TTN: variants seen among roughly 807,000 people sequenced by gnomAD.
The protein encoded by TTN is titin, also known as connectin.
In TTN, 1,525 loss-of-function variants were observed where a neutral mutation model predicts 3,223.0. The observed-to-expected ratio is 0.47, with a 90% confidence interval of 0.45 to 0.49. The LOEUF is 0.49. Ranked by LOEUF, TTN falls within the 20% of genes least tolerant of loss-of-function variation. The pLI is 0.00. For missense variants in TTN, 40,786 were observed against 43,424.0 expected (o/e 0.94, Z 5.40); for synonymous variants, 14,094 against 15,161.0 (o/e 0.93, Z 5.17).
chr2:178,725,653 A>G lies in TTN; in HGVS notation c.20555-4T>C, dbSNP rs781011511. 1.1e-5 allele frequency: 18 copies of G among 1,570,526 alleles called. No homozygotes were observed. Among genetic ancestry groups the G allele is most frequent in the Non-Finnish European group, 1.6e-5 (18 of 1,157,604 alleles). ...TTGGAGACAAATCTTGGTGGTTCTG[A>G]ACAGGAAAAGATGGATGGAAATTGT... On this transcript the variant is annotated splice_polypyrimidine_tract_variant and splice_region_variant and intron_variant, in intron 70 of 362. Transcript: ENST00000589042.
Position 178,722,354 on chromosome 2 carries a change from A to T in TTN, c.22433T>A (p.Ile7478Asn). The T allele has an allele frequency of 6.2e-7, 1 of 1,613,228 alleles. No individual in the cohort carries two copies. Among genetic ancestry groups the T allele is most frequent in the Non-Finnish European group, 8.5e-7 (1 of 1,179,512 alleles). Reference protein sequence around the residue: ...SFVDNVATLKILQTDLSHSGQ... With the variant: ...SFVDNVATLKNLQTDLSHSGQ... ...AGAGTGACTCAAGTCAGTTTGCAAA[A>T]TTTTTAAAGTTGCCACATTATCTAC... The change falls in exon 77 of 363, where the codon ATT (isoleucine) becomes AAT (asparagine). Residue 7478 changes from isoleucine to asparagine, a missense_variant. By Grantham distance (149) the Ile-to-Asn change is moderately radical. Coordinates refer to ENST00000589042, the MANE Select transcript of TTN (RefSeq NM_001267550.2).
chr2:178,618,104 A>C, intron 252 of TTN, 23 bp from the exon 253 acceptor site: 1 of 1,611,078 alleles, frequency 6.2e-7, no homozygotes, highest in Non-Finnish European at 8.5e-7. Flanking sequence ...ACAGAAGAAG[A>C]AAATATGAGT....
At position 178,531,340 on chromosome 2, in the gene TTN, C is replaced by G; in HGVS notation, c.105275G>C (p.Ser35092Thr). ...VKSQMTETRESLSSYEHSASA... is the reference protein window; with the variant it reads ...VKSQMTETRETLSSYEHSASA... ...TGCAGAGTGTTCATATGAGGAGAGA[C>G]TTTCCCTTGTCTCCGTCATCTGTGA... is the stretch of plus-strand genomic sequence containing the variant. The change falls in exon 358 of 363, where the codon AGT becomes ACT. Residue 35092 changes from serine to threonine, a missense_variant. Coordinates refer to ENST00000589042, the MANE Select transcript of TTN (RefSeq NM_001267550.2). 2.5e-6 allele frequency: 4 copies of G among 1,614,046 alleles called. No individual in the cohort carries two copies. Among genetic ancestry groups the G allele is most frequent in the Non-Finnish European group, 3.4e-6 (4 of 1,179,898 alleles).
rs866970322 is a variant in TTN at position 178,664,637 on chromosome 2, C to T, written c.36202+17G>A. The T allele has an allele frequency of 6.2e-7, 1 of 1,611,910 alleles. No homozygotes were observed. Reference sequence around the variant, plus strand: ...AAAGACATGTTCCCACCCCTCTAAGCTTCCAGCAAGATATACCTTCATCAG... The same window carrying T: ...AAAGACATGTTCCCACCCCTCTAAGTTTCCAGCAAGATATACCTTCATCAG... On this transcript the variant is annotated intron_variant, in intron 167 of 362. Coordinates refer to ENST00000589042, the MANE Select transcript of TTN (RefSeq NM_001267550.2).
At chr2:178,723,814 G>A in intron 73 of TTN, 42 bp downstream of exon 73, 2 of 1,560,636 alleles carry the variant, frequency 1.3e-6, no homozygotes, top group Non-Finnish European at 1.7e-6. Flanking sequence ...ACCTGAAGAG[G>A]AATTTGTAAG....
In TTN at chr2:178,551,918, G is replaced by A. The variant is rs748271383; in HGVS notation, c.90982C>T (p.Pro30328Ser). Residue 30328 changes from proline (P) to serine (S), a missense_variant, in exon 335 of 363, where the codon CCA becomes TCA. Transcript: ENST00000589042. ...ACATTGTATATAACTGGCTTTCCTGGGGGACCAGGAATCCTGAACTGGTGT... is the reference window on the plus strand; with the variant it reads ...ACATTGTATATAACTGGCTTTCCTGAGGGACCAGGAATCCTGAACTGGTGT... The part of the protein sequence containing the change: ...AKHQFRIPGP[P>S]GKPVIYNVTS... 1 of 1,613,702 alleles carries A rather than the reference G, an allele frequency of 6.2e-7. No homozygotes were observed. The highest frequency in any genetic ancestry group is 1.1e-5 in the South Asian group (1 of 91,074).
At chr2:178,803,166 G>C (rs1330493507) in intron 2 of TTN, among the ~76,000 whole-genome samples, 1 of 152,200 alleles carries the variant, frequency 6.6e-6, no homozygotes, top group Non-Finnish European at 1.5e-5. Context: ...AGATAATCTA[G>C]AGAAAGTCTA....
At position 178,532,307 on chromosome 2, in the gene TTN, C is replaced by CG; in HGVS notation, c.104307_104308insC (p.Asp34770ArgfsTer2). ...GTAACTGGGCGAAGCAACTCTTCAT[C>CG]CTCCCTCTCAGCCATGATTCTTTGC... is the stretch of plus-strand genomic sequence containing the variant. On this transcript the variant is annotated frameshift_variant, in exon 358 of 363. Transcript: ENST00000589042. LOFTEE classifies it high-confidence loss of function. The CG allele has an allele frequency of 6.2e-7, 1 of 1,614,018 alleles. No individual in the cohort carries two copies. The highest frequency in any genetic ancestry group is 8.5e-7 in the Non-Finnish European group (1 of 1,179,888).
intron 159 of TTN, 83 bp from the exon 160 acceptor site, chr2:178,667,804 C>T (rs1238803597): frequency 2.1e-6 from 2 of 965,438 alleles, no homozygotes; most frequent in African/African-American, 1.7e-5. Flanking sequence ...ATATATAATA[C>T]CACATTCATC....
At position 178,769,660 on chromosome 2, in the gene TTN, T is replaced by G. The variant is rs1223321536; in HGVS notation, c.8902+19A>C. The stretch of plus-strand genomic sequence containing the variant: ...TTTTATATATATGTGTATATATATA[T>G]ATATATTTTTTAACTTACGGGTGAC... On this transcript the variant is annotated intron_variant, in intron 37 of 362. Coordinates refer to ENST00000589042, the MANE Select transcript of TTN (RefSeq NM_001267550.2). 3.8e-6 allele frequency: 6 copies of G among 1,560,688 alleles called. No homozygotes were observed. The highest frequency in any genetic ancestry group is 5.3e-6 in the Non-Finnish European group (6 of 1,138,280).
In TTN at chr2:178,710,796, C is replaced by A. The variant is rs751432055; in HGVS notation, c.28301G>T (p.Ser9434Ile). The A allele has an allele frequency of 1.2e-6, 2 of 1,613,922 alleles. No homozygotes were observed. The highest frequency in any genetic ancestry group is 1.7e-6 in the Non-Finnish European group (2 of 1,179,840). The change falls in exon 98 of 363, where the codon AGC becomes ATC. Residue 9434 changes from serine (S) to isoleucine (I), a missense_variant. Physicochemically the swap from Ser to Ile is moderately radical, Grantham distance 142. Transcript: ENST00000589042. ...CTTTCCGCCACTTCGTATTTCTCTG[C>A]TGTCTTTGGCCCAGCTGACCTTTAT... ...QPIKVSWAKD[S>I]REIRSGGKYQ...
chr2:178,589,086 C>T lies in TTN; in HGVS notation c.62639G>A (p.Arg20880Lys). ...TGGTGGATCCCAGCAAACAGTACACCTATCACTGGACACATCAACAATTTT... is the reference window on the plus strand; with the variant it reads ...TGGTGGATCCCAGCAAACAGTACACTTATCACTGGACACATCAACAATTTT... ...NLKIVDVSSD[R>K]CTVCWDPPED... Residue 20880 changes from arginine to lysine, a missense_variant, in exon 304 of 363, where the codon AGG (arginine) becomes AAG (lysine). Coordinates refer to ENST00000589042, the MANE Select transcript of TTN (RefSeq NM_001267550.2). 6.2e-7 allele frequency: 1 copy of T among 1,610,040 alleles called. No individual in the cohort carries two copies. Among genetic ancestry groups the T allele is most frequent in the Middle Eastern group, 1.7e-4 (1 of 6,060 alleles).
chr2:178,553,355 C>G lies in TTN; in HGVS notation c.89545G>C (p.Val29849Leu). The G allele has an allele frequency of 6.2e-7, 1 of 1,600,316 alleles. No homozygotes were observed. Among genetic ancestry groups the G allele is most frequent in the Non-Finnish European group, 8.5e-7 (1 of 1,175,150 alleles). Residue 29849 changes from valine (V) to leucine (L), a missense_variant, in exon 335 of 363, where the codon GTT becomes CTT. Val to Leu is a conservative substitution (Grantham distance 32). Coordinates refer to ENST00000589042, the MANE Select transcript of TTN (RefSeq NM_001267550.2). ...ACATCTTCACCAGCTTTGGCAATAA[C>G]AGAAGTTCTGAGAGCCACATCCAGG... Reference protein sequence around the residue: ...IDLDVALRTSVIAKAGEDVQV... With the variant: ...IDLDVALRTSLIAKAGEDVQV...
chr2:178,578,259 T>C, intron 321 of TTN, 74 bp from the exon 322 acceptor site: 1 of 1,278,160 alleles, frequency 7.8e-7, no homozygotes, highest in Non-Finnish European at 1.1e-6. Flanking sequence ...GCCCAAATTA[T>C]TTATACATAT....
Position 178,644,595 on chromosome 2 carries a change from G to A in TTN, c.40430C>T (p.Pro13477Leu). The change falls in exon 218 of 363, where the codon CCT becomes CTT. Residue 13477 changes from proline (P) to leucine (L), a missense_variant. Pro to Leu is a moderately conservative substitution (Grantham distance 98, BLOSUM62 -3). Transcript: ENST00000589042. ...QLKAIPKKKV[P>L]EKPQVPEKVE... ...TTTTTCTGGAACCTGAGGTTTTTCA[G>A]GAACTTTCTTCTTTGGAATAGCTTT... 1 of 1,574,726 alleles carries A rather than the reference G, an allele frequency of 6.4e-7. No homozygotes were observed. Among genetic ancestry groups the A allele is most frequent in the Non-Finnish European group, 8.6e-7 (1 of 1,163,988 alleles).
Position 178,535,334 on chromosome 2 carries a change from G to A in TTN, c.101281C>T (p.Arg33761Trp), listed in dbSNP as rs201421156. 1.9e-4 allele frequency: 310 copies of A among 1,613,714 alleles called. No homozygotes were observed. Among genetic ancestry groups the A allele is most frequent in the Non-Finnish European group, 2.5e-4 (300 of 1,179,840 alleles). Reference protein sequence around the residue: ...NLFGKTSYQFRVIAENKFGLS... With the variant: ...NLFGKTSYQFWVIAENKFGLS... ...CCAAATTTATTTTCAGCTATTACCC[G>A]GAACTGGTAACTTGTTTTTCCAAAT... The change falls in exon 358 of 363, where the codon CGG (arginine) becomes TGG (tryptophan). Residue 33761 changes from arginine to tryptophan, a missense_variant. By Grantham distance (101) the Arg-to-Trp change is moderately radical. Transcript: ENST00000589042.
Position 178,599,222 on chromosome 2 carries a change from G to A in TTN, c.56571C>T (p.Phe18857=), listed in dbSNP as rs771676699. ...PKLLEGHEYV[F]RIMAQNKYGI... ...CATATTTATTCTGGGCCATGATTCG[G>A]AATACATATTCATGGCCTTCTAGCA... Residue 18857 remains phenylalanine (F), a synonymous_variant, in exon 290 of 363, where the codon TTC becomes TTT. Transcript: ENST00000589042. 1 of 1,533,882 alleles carries A rather than the reference G, an allele frequency of 6.5e-7. No homozygotes were observed. The highest frequency in any genetic ancestry group is 8.7e-7 in the Non-Finnish European group (1 of 1,145,542).
intron 47 of TTN, chr2:178,746,221 T>C (rs1467501854): frequency 1.2e-6 from 2 of 1,612,904 alleles, no homozygotes; most frequent in African/African-American, 1.3e-5. Flanking sequence ...CATCTGAATT[T>C]TCTGGAATTT....
At chr2:178,605,821 A>G in intron 278 of TTN, 108 bp from the exon 279 acceptor site, 1 of 1,000,028 alleles carries the variant, frequency 1.0e-6, no homozygotes, top group Non-Finnish European at 1.3e-6. Flanking sequence ...TGTTTGGCAT[A>G]ACCTTACATC....
Sources: gnomAD v4.1 joint callset for allele counts (sites outside exome capture counted in the v4.1 genomes callset) on GRCh38, gnomAD v4.1.1 for gene constraint, MANE v1.5 for transcripts, NCBI Gene and HGNC (gene_info 2026-07-23, HGNC 2026-07-21) for gene names.